PFKP: variants seen among roughly 807,000 people sequenced by gnomAD.
PFKP encodes the protein ATP-dependent 6-phosphofructokinase, platelet type.
In PFKP, 101 loss-of-function variants were observed where a neutral mutation model predicts 94.3. The ratio of observed to expected loss-of-function variants is 1.07; its 90% confidence interval spans 0.91 to 1.26. The LOEUF (loss-of-function observed/expected upper bound fraction) is 1.26, where lower values mean the gene tolerates loss of function less well. PFKP is among the 50% of genes most tolerant of loss of function. PFKP has a pLI of 0.00. For synonymous variants in PFKP, 573 were observed against 432.6 expected, an observed-to-expected ratio of 1.32 and a Z score of -4.03; for missense variants, 1,145 against 1,103.3, an observed-to-expected ratio of 1.04 and a Z score of -0.53.
At chr10:3,115,337 A>G (rs1449474485) in intron 13 of PFKP, among the ~76,000 whole-genome samples, 1 of 99,698 alleles carries the variant, frequency 1.0e-5, no homozygotes, top group African/African-American at 2.8e-5. Context: ...ACGGCGGAGG[A>G]CAGGACTGGG....
chr10:3,112,128 C>T, intron 10 of PFKP, 94 bp from the exon 11 acceptor site: 1 of 991,454 alleles, frequency 1.0e-6, no homozygotes, highest in Non-Finnish European at 1.6e-6. Flanking sequence ...CTGGAGGGGG[C>T]TGGTGGGAAG....
intron 1 of PFKP, among the ~76,000 whole-genome samples, chr10:3,077,249 C>CTTTTTTTTTTTTTTTTTTTTTTTTTTTTT (rs35306351): frequency 9.2e-6 from 1 of 108,180 alleles, no homozygotes; most frequent in Non-Finnish European, 1.8e-5. Flanking sequence ...CTATTCTTTA[C>CTTTTTTTTTTTTTTTTTTTTTTTTTTTTT]TTTTTTTTTT....
chr10:3,112,814 C>T (rs1267635000), intron 11 of PFKP, among the ~76,000 whole-genome samples: 1 of 152,226 alleles, frequency 6.6e-6, no homozygotes, highest in Non-Finnish European at 1.5e-5. Flanking sequence ...ATGATTCACC[C>T]GCCTCAGCCT....
chr10:3,127,714 C>T (rs980531593), intron 16 of PFKP, among the ~76,000 whole-genome samples: 1 of 152,184 alleles, frequency 6.6e-6, no homozygotes, highest in Non-Finnish European at 1.5e-5. Flanking sequence ...CTCTGTCCTC[C>T]TAAGCACAAA....
intron 16 of PFKP, among the ~76,000 whole-genome samples, chr10:3,124,490 C>CGGCTTTGTGT (rs1012313155): frequency 2.0e-5 from 3 of 152,054 alleles, no homozygotes; most frequent in African/African-American, 7.3e-5. Flanking sequence ...CTCGCCTGTG[C>CGGCTTTGTGT]GGCTTTGTGT....
At chr10:3,070,984 G>C (rs80322866) in intron 1 of PFKP, among the ~76,000 whole-genome samples, 5,888 of 151,932 alleles carry the variant, frequency 0.039, 178 homozygotes, top group Non-Finnish European at 0.056. Context: ...CTGGCCTCCT[G>C]TAGTGATCCT....
chr10:3,078,401 T>C (rs913944335), intron 1 of PFKP, among the ~76,000 whole-genome samples: 1 of 152,196 alleles, frequency 6.6e-6, no homozygotes, highest in African/African-American at 2.4e-5. Flanking sequence ...TTCCTGGGGC[T>C]TCCTCAGGTT....
At chr10:3,077,371 C>T (rs1832697131) in intron 1 of PFKP, among the ~76,000 whole-genome samples, 1 of 144,118 alleles carries the variant, frequency 6.9e-6, no homozygotes, top group African/African-American at 2.6e-5. Context: ...AAGCGATTCT[C>T]CTGCCTCAGC....
At position 3,067,898 on chromosome 10, in the gene PFKP, G is replaced by T. The variant is rs545923970; in HGVS notation, c.112+191G>T. On this transcript the variant is annotated intron_variant, in intron 1 of 21. Coordinates refer to ENST00000381125, the MANE Select transcript of PFKP (RefSeq NM_002627.5). ...GATGGGGAGAACCGGGAAGAAGCCC[G>T]CGCCCGGAAGCGGCAGGGGTACCTG... is the stretch of plus-strand genomic sequence containing the variant. Among the ~76,000 whole-genome samples the T allele has an allele frequency of 2.6e-5, 4 of 152,280 alleles. No individual in the cohort carries two copies. In the South Asian group the frequency reaches 8.3e-4, roughly 32 times the overall value.
At chr10:3,132,718 C>CCCTCTT (rs201367174) in intron 18 of PFKP, among the ~76,000 whole-genome samples, 3,216 of 152,298 alleles carry the variant, frequency 0.021, 64 homozygotes, top group Non-Finnish European at 0.036. Flanking sequence ...GAAGGAAATA[C>CCCTCTT]AGTCATCCCT....
intron 13 of PFKP, among the ~76,000 whole-genome samples, chr10:3,116,105 A>AG (rs979174769): frequency 2.0e-5 from 3 of 151,366 alleles, no homozygotes; most frequent in African/African-American, 4.9e-5. Flanking sequence ...ATGTGGGAAA[A>AG]AAAAGCCTGA....
chr10:3,113,787 T>G (rs1036830758), intron 13 of PFKP, among the ~76,000 whole-genome samples: 3 of 151,376 alleles, frequency 2.0e-5, no homozygotes, highest in African/African-American at 7.4e-5. Context: ...CTGATGGCCC[T>G]GACATTAGGT....
chr10:3,108,766 G>T lies in PFKP; in HGVS notation c.936G>T (p.Gly312=), dbSNP rs1835876702. The T allele has an allele frequency of 1.2e-6, 2 of 1,613,518 alleles. No homozygotes were observed. Among genetic ancestry groups the T allele is most frequent in the Non-Finnish European group, 8.5e-7 (1 of 1,179,600 alleles). Residue 312 remains glycine (G), a synonymous_variant, in exon 9 of 22, where the codon GGG becomes GGT. Transcript: ENST00000381125. ...VTILGHVQRG[G]TPSAFDRILA... ...TCCTCGGGCACGTGCAGAGAGGAGG[G>T]ACCCCTTCGGCATTCGACAGGATCT...
intron 13 of PFKP, 25 bp downstream of exon 13, chr10:3,113,543 C>G (rs1416402998): frequency 2.5e-6 from 4 of 1,606,038 alleles, no homozygotes; most frequent in Non-Finnish European, 3.4e-6. Context: ...ATGCCGTAGG[C>G]AGGCAGACAC....
chr10:3,119,758 C>T, intron 15 of PFKP, 134 bp from the exon 16 acceptor site: 1 of 665,750 alleles, frequency 1.5e-6, no homozygotes, highest in Admixed American at 2.6e-5. Context: ...GTGTGTTGAT[C>T]TCGGAGTGTT....
rs1564327243 is a variant in PFKP at position 3,115,375 on chromosome 10, C to CGG, written c.1372-1401_1372-1400insGG. 7.6e-4 allele frequency among the ~76,000 whole-genome samples: 44 copies of CGG among 58,256 alleles called. 8 individuals are homozygous for CGG. The highest frequency in any genetic ancestry group is 1.4e-3 in the African/African-American group (37 of 25,842). 38.2% of individuals were successfully genotyped at this position (58,256 alleles called of 152,430 possible). On this transcript the variant is annotated intron_variant, in intron 13 of 21. Coordinates refer to ENST00000381125, the MANE Select transcript of PFKP (RefSeq NM_002627.5). ...TGCTGGAGTGAAGGTGTGTGTCCCG[C>CGG]AGCTGAGAACAGGACTGGGGATGCC...
chr10:3,110,181 G>A (rs1836034341), intron 10 of PFKP, among the ~76,000 whole-genome samples: 1 of 151,976 alleles, frequency 6.6e-6, no homozygotes, highest in Admixed American at 6.6e-5. Flanking sequence ...GGAGTTAGCT[G>A]CATTTGAAGT....
At position 3,099,320 on chromosome 10, in the gene PFKP, G is replaced by A. The variant is rs377475646; in HGVS notation, c.232G>A (p.Asp78Asn). Residue 78 changes from aspartate (D) to asparagine (N), a missense_variant, in exon 3 of 22, where the codon GAC becomes AAC. Asp to Asn is a conservative substitution (Grantham distance 23). Transcript: ENST00000381125. ...CGGAGGCTCAAACATCGCAGAGGCC[G>A]ACTGGGAGAGTGTCTCCAGCATCCT... ...VDGGSNIAEA[D>N]WESVSSILQV... 59 of 1,614,012 alleles carry A rather than the reference G, an allele frequency of 3.7e-5. No homozygotes were observed. Among genetic ancestry groups the A allele is most frequent in the Admixed American group, 6.7e-5 (4 of 60,004 alleles).
intron 1 of PFKP, among the ~76,000 whole-genome samples, chr10:3,072,459 CATT>C (rs1832270137): frequency 6.6e-6 from 1 of 152,196 alleles, no homozygotes; most frequent in African/African-American, 2.4e-5. Flanking sequence ...TGTGTACATA[CATT>C]ATTTGATGGG....
Sources: gnomAD v4.1 joint callset for allele counts (sites outside exome capture counted in the v4.1 genomes callset) on GRCh38, gnomAD v4.1.1 for gene constraint, MANE v1.5 for transcripts, NCBI Gene and HGNC (gene_info 2026-07-23, HGNC 2026-07-21) for gene names.